The following JCAD variants were observed in gnomAD, a reference collection of about 807,000 sequenced individuals.
The protein encoded by JCAD is junctional cadherin 5-associated protein.
Under a neutral mutation model 98.0 loss-of-function variants are expected in JCAD, and 40 were observed. The observed-to-expected ratio is 0.41, with a 90% CI of 0.32 to 0.53. The LOEUF (loss-of-function observed/expected upper bound fraction) is 0.53, where lower values mean the gene tolerates loss of function less well. Among genes scored for constraint, JCAD ranks in the 20% least tolerant of loss-of-function variants. The probability of loss-of-function intolerance (pLI) is 0.31; values close to 1 mark genes in which losing one functional copy is unlikely to be tolerated. For missense variants in JCAD, 1,705 were observed against 1,738.1 expected (o/e 0.98, Z 0.34); for synonymous variants, 691 against 682.3 (o/e 1.01, Z -0.20).
intron 1 of JCAD, among the ~76,000 whole-genome samples, chr10:30,103,232 T>C (rs186155674): frequency 9.6e-4 from 146 of 152,326 alleles, no homozygotes; most frequent in African/African-American, 3.4e-3. Context: ...TGTTTCTGTA[T>C]CTTAGCTATT....
At position 30,028,037 on chromosome 10, in the gene JCAD, A is replaced by G. The variant is rs778386574; in HGVS notation, c.2111T>C (p.Leu704Pro). 1.2e-6 allele frequency: 2 copies of G among 1,614,134 alleles called. No individual in the cohort carries two copies. The highest frequency in any genetic ancestry group is 2.2e-5 in the East Asian group (1 of 44,896). Residue 704 changes from leucine (L) to proline (P), a missense_variant, in exon 3 of 4, where the codon CTG becomes CCG. Physicochemically the swap from Leu to Pro is moderately conservative, Grantham distance 98. Coordinates refer to ENST00000375377, the MANE Select transcript of JCAD (RefSeq NM_020848.4). ...SFSEEPQSSQ[L>P]LPGAKLGGPS... ...CCCTCCCAGCTTTGCACCAGGGAGC[A>G]GCTGCGAACTTTGGGGCTCCTCGGA...
intron 2 of JCAD, among the ~76,000 whole-genome samples, chr10:30,034,561 A>T (rs185047323): frequency 4.5e-4 from 68 of 152,252 alleles, no homozygotes; most frequent in Non-Finnish European, 6.3e-4. Context: ...GGTTCGACAC[A>T]GATTAGTCAT....
In JCAD at chr10:30,017,991, C is replaced by T. The variant is rs186219328; in HGVS notation, c.4046-74G>A. ...TATTTTCTGTTTAATCCTTAGACCA[C>T]GAATTTGTCTAGGGAACAAAATCTA... On this transcript the variant is annotated intron_variant, in intron 3 of 3. Transcript: ENST00000375377. 3.7e-5 allele frequency: 43 copies of T among 1,168,340 alleles called. No homozygotes were observed. In the Admixed American group the frequency reaches 4.6e-4, roughly 12 times the overall value. The allele number at this position is 1,168,340 out of a possible 1,614,324, so 72.4% of individuals were successfully genotyped here.
In JCAD at chr10:30,026,169, T is replaced by C. The variant is rs903924384; in HGVS notation, c.3979A>G (p.Arg1327Gly). 5.0e-6 allele frequency: 8 copies of C among 1,614,218 alleles called. No homozygotes were observed. The highest frequency in any genetic ancestry group is 2.2e-5 in the East Asian group (1 of 44,886). ...SLSVSKDSIS[R>G]EEKEHPAAQK... is the part of the protein sequence containing the mutation. ...GCTGCCGGATGCTCCTTCTCTTCCC[T>C]GGAGATGCTGTCCTTGGACACAGAG... The change falls in exon 3 of 4, where the codon AGG becomes GGG. Residue 1327 changes from arginine (R) to glycine (G), a missense_variant. Around this residue, in one of 3 missense-constraint regions of JCAD, gnomAD observed 1,278 missense variants for 1,243.1 expected, o/e 1.03. Transcript: ENST00000375377.
At chr10:30,043,141 C>A (rs188910722) in intron 2 of JCAD, among the ~76,000 whole-genome samples, 32 of 152,328 alleles carry the variant, frequency 2.1e-4, no homozygotes, top group Non-Finnish European at 2.5e-4. Flanking sequence ...ACAGAATTGT[C>A]ATTCTTCTCC....
chr10:30,025,596 A>C, intron 3 of JCAD, among the ~76,000 whole-genome samples: 1 of 148,344 alleles, frequency 6.7e-6, no homozygotes, highest in Non-Finnish European at 1.5e-5. Context: ...AGACTAAATG[A>C]CAGAAGGTCC....
intron 1 of JCAD, among the ~76,000 whole-genome samples, chr10:30,084,811 A>G (rs935844162): frequency 2.6e-5 from 4 of 151,832 alleles, no homozygotes; most frequent in Non-Finnish European, 4.4e-5. Flanking sequence ...CTATCTATCT[A>G]TCTATCTATC....
chr10:30,086,188 C>T (rs759550071), intron 1 of JCAD, among the ~76,000 whole-genome samples: 2 of 152,024 alleles, frequency 1.3e-5, no homozygotes, highest in Admixed American at 6.5e-5. Flanking sequence ...GTACAAAGTA[C>T]ACTATTGATT....
chr10:30,081,387 C>A (rs1354557956), intron 1 of JCAD, among the ~76,000 whole-genome samples: 2 of 152,180 alleles, frequency 1.3e-5, no homozygotes, highest in Admixed American at 6.5e-5. Flanking sequence ...GTTGAACAAA[C>A]AAGTTGGGTA....
Position 30,028,251 on chromosome 10 carries a change from C to A in JCAD, c.1897G>T (p.Glu633Ter). The change falls in exon 3 of 4, where the codon GAG (glutamate) becomes TAG (stop). Residue 633 changes from glutamate (E) to a stop codon, truncating the protein, a stop_gained. Coordinates refer to ENST00000375377, the MANE Select transcript of JCAD (RefSeq NM_020848.4). LOFTEE classifies it high-confidence loss of function. ...ATGCTTCCTGTGAGGGCCTGCAGCT[C>A]CAGGTCGGTGGAAGACATGCTCAGC... Reference protein sequence around the residue: ...SLLSMSSTDLELQALTGSMGG... With the variant: ...SLLSMSSTDL 1 of 1,614,186 alleles carries A rather than the reference C, an allele frequency of 6.2e-7. No individual in the cohort carries two copies. Among genetic ancestry groups the A allele is most frequent in the Non-Finnish European group, 8.5e-7 (1 of 1,180,042 alleles).
At chr10:30,047,280 G>A (rs1471835361) in intron 2 of JCAD, among the ~76,000 whole-genome samples, 2 of 152,192 alleles carry the variant, frequency 1.3e-5, no homozygotes, top group East Asian at 1.9e-4. Flanking sequence ...GCTGAGGCAG[G>A]AGAATTGCTT....
chr10:30,034,644 G>A (rs1257889817), intron 2 of JCAD, among the ~76,000 whole-genome samples: 3 of 152,090 alleles, frequency 2.0e-5, no homozygotes, highest in Non-Finnish European at 2.9e-5. Context: ...GCTGAGCCAG[G>A]CTTGCAGCTC....
At chr10:30,043,047 G>T (rs764017951) in intron 2 of JCAD, among the ~76,000 whole-genome samples, 2 of 152,210 alleles carry the variant, frequency 1.3e-5, no homozygotes, top group Non-Finnish European at 2.9e-5. Context: ...TATGTATGAA[G>T]GAGAACCAAC....
chr10:30,027,953 G>A lies in JCAD; in HGVS notation c.2195C>T (p.Thr732Met). 2 of 1,614,244 alleles carry A rather than the reference G, an allele frequency of 1.2e-6. No individual in the cohort carries two copies. Among genetic ancestry groups the A allele is most frequent in the African/African-American group, 1.3e-5 (1 of 75,052 alleles). The change falls in exon 3 of 4, where the codon ACG becomes ATG. Residue 732 changes from threonine (T) to methionine (M), a missense_variant. Physicochemically the swap from Thr to Met is moderately conservative, Grantham distance 81 (BLOSUM62 -1). Coordinates refer to ENST00000375377, the MANE Select transcript of JCAD (RefSeq NM_020848.4). ...CSDPAASEAQ[T>M]HTAFPTGDHK... ...ATCACCGGTAGGGAATGCTGTGTGC[G>A]TCTGAGCTTCGGAGGCAGCAGGGTC...
In JCAD at chr10:30,086,271, T is replaced by G. The variant is rs193105272; in HGVS notation, n.129-16450A>C. ...TCTTTTGTGCATTGAACTTTTCCCC[T>G]CCACACCCTTAGTGGACAAATTTGT... On this transcript the variant is annotated intron_variant and non_coding_transcript_variant, in intron 1 of 2. Transcript: ENST00000465712. 3.7e-3 allele frequency among the ~76,000 whole-genome samples: 560 copies of G among 152,282 alleles called. 6 individuals carry two copies. Among genetic ancestry groups the G allele is most frequent in the African/African-American group, 0.013 (536 of 41,572 alleles).
chr10:30,043,830 G>T (rs546571442), intron 2 of JCAD, among the ~76,000 whole-genome samples: 194 of 152,362 alleles, frequency 1.3e-3, no homozygotes, highest in African/African-American at 4.4e-3. Context: ...TGGGGAAGTT[G>T]TGGCTCAAGC....
chr10:30,062,521 G>A (rs1837715528), upstream of JCAD, among the ~76,000 whole-genome samples: 1 of 152,192 alleles, frequency 6.6e-6, no homozygotes, highest in Admixed American at 6.5e-5. Flanking sequence ...AATTAACAAA[G>A]AGGAAAGAGG....
chr10:30,020,235 G>A (rs11818963), intron 3 of JCAD, among the ~76,000 whole-genome samples: 3 of 148,066 alleles, frequency 2.0e-5, no homozygotes, highest in African/African-American at 7.5e-5. Context: ...GCTGAGGCAC[G>A]AGAATCATTT....
chr10:30,025,750 A>G (rs1323039970), intron 3 of JCAD, among the ~76,000 whole-genome samples: 1 of 150,916 alleles, frequency 6.6e-6, no homozygotes, highest in South Asian at 2.1e-4. Context: ...TTAGCTGGAA[A>G]TGGTGGTGCA....
Sources: allele counts gnomAD v4.1 joint callset (sites outside exome capture counted in the v4.1 genomes callset), GRCh38; gene constraint gnomAD v4.1.1; regional missense constraint gnomAD v4.1.1; transcripts MANE v1.5; gene names NCBI Gene and HGNC (gene_info 2026-07-23, HGNC 2026-07-21).